Variants in SLC18A1 observed in about 807,000 individuals in gnomAD.
The protein encoded by SLC18A1 is chromaffin granule amine transporter.
Under a neutral mutation model 53.7 loss-of-function variants are expected in SLC18A1, and 69 were observed. The observed-to-expected ratio is 1.28, with a 90% CI of 1.06 to 1.57. The LOEUF (loss-of-function observed/expected upper bound fraction) is 1.57, where lower values mean the gene tolerates loss of function less well. Ranked by LOEUF, SLC18A1 falls within the 40% of genes most tolerant of loss-of-function variation. The pLI is 0.00. For synonymous variants in SLC18A1, 320 were observed against 248.1 expected (o/e 1.29, Z -2.72); for missense variants, 932 against 668.1 (o/e 1.40, Z -4.35).
At position 20,179,102 on chromosome 8, in the gene SLC18A1, A is replaced by G. The variant is rs768870635; in HGVS notation, c.488+19T>C. 1.9e-6 allele frequency: 3 copies of G among 1,601,042 alleles called. No homozygotes were observed. The South Asian group carries it at 3.4e-5, about 18-fold the overall frequency. The stretch of plus-strand genomic sequence containing the variant: ...CCTACTCCTGTGTACCCTGCGGGGC[A>G]CTGCACCCAGTGAGATACCTGTTGG... On this transcript the variant is annotated intron_variant, in intron 3 of 15. Transcript: ENST00000276373.
chr8:20,180,954 G>GAA lies in SLC18A1; in HGVS notation c.10_11insTT (p.Thr4IlefsTer11). 2 of 1,579,468 alleles carry GAA rather than the reference G, an allele frequency of 1.3e-6. No homozygotes were observed. Among genetic ancestry groups the GAA allele is most frequent in the Non-Finnish European group, 1.7e-6 (2 of 1,163,700 alleles). On this transcript the variant is annotated frameshift_variant, in exon 2 of 16. Transcript: ENST00000276373. LOFTEE classifies it high-confidence loss of function. ...CAACCGCTGGGGAGCATCCAGAATG[G>GAA]TCCGGAGCATGGTGATGGCCGGACT...
chr8:20,149,757 A>G lies in SLC18A1; in HGVS notation c.1095-30T>C, dbSNP rs758103059. 5 of 1,609,962 alleles carry G rather than the reference A, an allele frequency of 3.1e-6. No individual in the cohort carries two copies. The East Asian group carries it at 6.7e-5, about 22-fold the overall frequency. On this transcript the variant is annotated intron_variant, in intron 11 of 15. Transcript: ENST00000276373. ...AAGAAAAAAGCCATCATCAAACACC[A>G]CTAGGGGAGAGCTCCCCTCCACCTG...
intron 10 of SLC18A1, among the ~76,000 whole-genome samples, chr8:20,156,566 CT>C (rs1396039327): frequency 2.2e-4 from 34 of 152,306 alleles, no homozygotes; most frequent in African/African-American, 7.5e-4. Context: ...AATAATTGGT[CT>C]GCTCAAAGGT....
At chr8:20,151,154 T>TTTTG (rs1554534418) in intron 10 of SLC18A1, among the ~76,000 whole-genome samples, 18 of 147,506 alleles carry the variant, frequency 1.2e-4, no homozygotes, top group African/African-American at 2.0e-4. Context: ...TTTGTTTTTT[T>TTTTG]TTTGTTTGTT....
Position 20,158,941 on chromosome 8 carries a change from G to A in SLC18A1, c.1015+5928C>T, listed in dbSNP as rs530094254. ...ATTTAATACCACCCTCACTAGGCTC[G>A]ATGGAACCTTGGCCAAAATCCTACT... On this transcript the variant is annotated intron_variant, in intron 10 of 15. Transcript: ENST00000276373. Among the ~76,000 whole-genome samples, 10 of 152,200 alleles carry A rather than the reference G, an allele frequency of 6.6e-5. No homozygotes were observed. In the South Asian group the frequency reaches 8.3e-4, roughly 13 times the overall value.
At position 20,150,744 on chromosome 8, in the gene SLC18A1, C is replaced by A. The variant is rs773971258; in HGVS notation, c.1016G>T (p.Gly339Val). Residue 339 changes from glycine to valine, a missense_variant and splice_region_variant, in exon 11 of 16, where the codon GGT becomes GTT. By Grantham distance (109) the Gly-to-Val change is moderately radical. Coordinates refer to ENST00000276373, the MANE Select transcript of SLC18A1 (RefSeq NM_003053.4). ...CACACTGGCAGGCAAGAAAGCTAGA[C>A]CTGTGGAAGGACACAGATCCTTACC... ...QTMCSPKWQLGLAFLPASVSY... is the reference protein window; with the variant it reads ...QTMCSPKWQLVLAFLPASVSY... The A allele has an allele frequency of 6.2e-7, 1 of 1,613,822 alleles. No homozygotes were observed. Among genetic ancestry groups the A allele is most frequent in the Admixed American group, 1.7e-5 (1 of 60,030 alleles).
chr8:20,165,402 T>C (rs1488813692), intron 8 of SLC18A1, among the ~76,000 whole-genome samples: 1 of 151,940 alleles, frequency 6.6e-6, no homozygotes, highest in East Asian at 1.9e-4. Context: ...AAGGTCAGAG[T>C]GGATTGGTAG....
chr8:20,180,108 T>TTGTGTGTGTGTGTGTGTGTG (rs112531759), intron 2 of SLC18A1, among the ~76,000 whole-genome samples: 218 of 146,180 alleles, frequency 1.5e-3, no homozygotes, highest in African/African-American at 5.3e-3. Context: ...AAGATTATAA[T>TTGTGTGTGTGTGTGTGTGTG]TGTGTGTGTG....
At chr8:20,148,800 C>A (rs1043847058) in intron 12 of SLC18A1, among the ~76,000 whole-genome samples, 1 of 152,256 alleles carries the variant, frequency 6.6e-6, no homozygotes, top group East Asian at 1.9e-4. Flanking sequence ...AGGGTTCATG[C>A]CTCAAGAAAT....
chr8:20,150,286 G>A (rs979413841), intron 11 of SLC18A1, among the ~76,000 whole-genome samples: 11 of 152,314 alleles, frequency 7.2e-5, no homozygotes, highest in Middle Eastern at 3.4e-3. Context: ...GGCCTCTGGG[G>A]TGCCTCTATA....
In SLC18A1 at chr8:20,150,606, G is replaced by A. The variant is rs1016100579; in HGVS notation, c.1094+60C>T. 4 of 1,393,284 alleles carry A rather than the reference G, an allele frequency of 2.9e-6. No homozygotes were observed. In the African/African-American group the frequency reaches 4.3e-5, roughly 15 times the overall value. 86.3% of individuals were successfully genotyped at this position (1,393,284 alleles called of 1,614,324 possible). ...AAGCTGTTCATCATTCCAAGATCAG[G>A]AACGGGCGCTCTTCCATCTTACATT... On this transcript the variant is annotated intron_variant, in intron 11 of 15. Coordinates refer to ENST00000276373, the MANE Select transcript of SLC18A1 (RefSeq NM_003053.4).
At chr8:20,154,485 C>T (rs1308836724) in intron 10 of SLC18A1, among the ~76,000 whole-genome samples, 1 of 152,116 alleles carries the variant, frequency 6.6e-6, no homozygotes, top group Non-Finnish European at 1.5e-5. Context: ...TTCAAAGGAG[C>T]TGAGATCTTT....
chr8:20,168,382 C>G lies in SLC18A1; in HGVS notation c.858+2721G>C, dbSNP rs1401316375. Among the ~76,000 whole-genome samples the G allele has an allele frequency of 2.7e-5, 4 of 149,734 alleles. No homozygotes were observed. The East Asian group carries it at 7.9e-4, about 30-fold the overall frequency. The stretch of plus-strand genomic sequence containing the variant: ...GCCCTGTCTCCAAAAAAAAATTAAA[C>G]AAGTAAATAGAGTGATGAACTACAA... On this transcript the variant is annotated intron_variant, in intron 8 of 15. Transcript: ENST00000276373.
At chr8:20,148,321 C>T (rs1247402465) in intron 12 of SLC18A1, 1 of 625,156 alleles carries the variant, frequency 1.6e-6, no homozygotes, top group African/African-American at 1.9e-5. Context: ...GTGGCAAGAT[C>T]AAGTTTGGAC....
At chr8:20,146,692 T>TA (rs1753982476) in intron 15 of SLC18A1, among the ~76,000 whole-genome samples, 1 of 151,978 alleles carries the variant, frequency 6.6e-6, no homozygotes, top group Non-Finnish European at 1.5e-5. Context: ...GACATGGTGG[T>TA]ACATGCCTGT....
At chr8:20,163,095 G>A (rs1280737185) in intron 10 of SLC18A1, among the ~76,000 whole-genome samples, 3 of 152,138 alleles carry the variant, frequency 2.0e-5, no homozygotes, top group Non-Finnish European at 4.4e-5. Flanking sequence ...AAGTTCAAAG[G>A]CAAGCCTCTA....
At chr8:20,147,582 C>T in intron 14 of SLC18A1, 21 bp downstream of exon 14, 1 of 1,613,642 alleles carries the variant, frequency 6.2e-7, no homozygotes, top group Non-Finnish European at 8.5e-7. Context: ...GAAAGTGGGG[C>T]ACCAGGTCCT....
rs768267950 is a variant in SLC18A1 at position 20,148,857 on chromosome 8, C to G, written c.1147-787G>C. Among the ~76,000 whole-genome samples the G allele has an allele frequency of 3.2e-4, 48 of 152,168 alleles. 1 individual carries two copies. Among genetic ancestry groups the G allele is most frequent in the Non-Finnish European group, 6.0e-4 (41 of 68,042 alleles). On this transcript the variant is annotated intron_variant, in intron 12 of 15. Coordinates refer to ENST00000276373, the MANE Select transcript of SLC18A1 (RefSeq NM_003053.4). ...TTGGCTGAGATTCACTATGGGCTCACCATGTGCCAGACACTGTGGTTTATT... is the reference window on the plus strand; with the variant it reads ...TTGGCTGAGATTCACTATGGGCTCAGCATGTGCCAGACACTGTGGTTTATT...
At chr8:20,164,319 G>A (rs904453182) in intron 10 of SLC18A1, among the ~76,000 whole-genome samples, 3 of 152,096 alleles carry the variant, frequency 2.0e-5, no homozygotes, top group African/African-American at 7.2e-5. Context: ...CTTTTCCTAA[G>A]TGAGTGCTAC....
Sources: gnomAD v4.1 joint callset for allele counts (sites outside exome capture counted in the v4.1 genomes callset) on GRCh38, gnomAD v4.1.1 for gene constraint, MANE v1.5 for transcripts, NCBI Gene and HGNC (gene_info 2026-07-23, HGNC 2026-07-21) for gene names.